The following THADA variants were observed in gnomAD, a reference collection of about 807,000 sequenced individuals.
THADA encodes THADA armadillo repeat containing.
Under a neutral mutation model 219.8 loss-of-function variants are expected in THADA, and 213 were observed. The observed-to-expected ratio is 0.97, with a 90% confidence interval of 0.87 to 1.09. The LOEUF (loss-of-function observed/expected upper bound fraction) is 1.09, where lower values mean the gene tolerates loss of function less well. Among genes scored for constraint, THADA ranks in the 50% least tolerant of loss-of-function variants. The pLI, the probability that THADA is intolerant of heterozygous loss-of-function variation, is 0.00. For missense variants in THADA, 2,956 were observed against 2,311.3 expected, an observed-to-expected ratio of 1.28 and a Z score of -5.72; for synonymous variants, 1,018 against 828.9, an observed-to-expected ratio of 1.23 and a Z score of -3.92.
intron 12 of THADA, among the ~76,000 whole-genome samples, chr2:43,572,182 A>G (rs1156902226): frequency 6.6e-6 from 1 of 152,126 alleles, no homozygotes; most frequent in Non-Finnish European, 1.5e-5. Context: ...AATTACTGCC[A>G]GACACTTCTA....
chr2:43,517,436 C>G (rs1284611379), intron 22 of THADA, among the ~76,000 whole-genome samples: 2 of 152,114 alleles, frequency 1.3e-5, no homozygotes, highest in Admixed American at 6.6e-5. Flanking sequence ...TAAGGGTAAG[C>G]CTCTGCCAAT....
In THADA at chr2:43,433,291, A is replaced by G. The variant is rs370700140; in HGVS notation, c.3837-2989T>C. Among the ~76,000 whole-genome samples the G allele has an allele frequency of 5.3e-5, 8 of 152,070 alleles. No individual in the cohort carries two copies. In the East Asian group the frequency reaches 5.8e-4, roughly 11 times the overall value. ...ACACCTGTAATCCCAACATTTTGGG[A>G]GGCCGAGCCGGGTGGATCACCTGAG... On this transcript the variant is annotated intron_variant, in intron 26 of 37. Coordinates refer to ENST00000405975, the MANE Select transcript of THADA (RefSeq NM_022065.5).
At chr2:43,396,802 C>A (rs1464534437) in intron 29 of THADA, among the ~76,000 whole-genome samples, 2 of 151,464 alleles carry the variant, frequency 1.3e-5, no homozygotes, top group Admixed American at 6.6e-5. Context: ...CAGTGTAAGA[C>A]CCTGTCTCAA....
intron 7 of THADA, among the ~76,000 whole-genome samples, chr2:43,583,234 G>C (rs954507099): frequency 6.6e-6 from 1 of 152,154 alleles, no homozygotes; most frequent in South Asian, 2.1e-4. Context: ...TGTACCTGCT[G>C]CATCTTTATC....
chr2:43,271,152 C>T (rs926896637), intron 36 of THADA, among the ~76,000 whole-genome samples: 2 of 152,172 alleles, frequency 1.3e-5, no homozygotes, highest in African/African-American at 2.4e-5. Flanking sequence ...TTCCCAGGGC[C>T]GGCCCTGTGC....
intron 26 of THADA, among the ~76,000 whole-genome samples, chr2:43,455,737 C>T (rs555824130): frequency 6.6e-6 from 1 of 152,324 alleles, no homozygotes; most frequent in South Asian, 2.1e-4. Context: ...CATCCAAACA[C>T]GCTTTCCACT....
intron 16 of THADA, 136 bp from the exon 17 acceptor site, chr2:43,556,691 G>T: frequency 1.4e-6 from 1 of 736,418 alleles, no homozygotes; most frequent in Non-Finnish European, 2.2e-6. Flanking sequence ...TCAAGAGGCT[G>T]ATGGAGGAGG....
chr2:43,320,582 C>T, intron 30 of THADA, 42 bp from the exon 31 acceptor site: 1 of 1,497,708 alleles, frequency 6.7e-7, no homozygotes, highest in African/African-American at 1.4e-5. Context: ...GATTTTCTCT[C>T]CCTTAGGTCT....
chr2:43,471,910 G>C (rs1023852855), intron 26 of THADA, among the ~76,000 whole-genome samples: 1 of 152,150 alleles, frequency 6.6e-6, no homozygotes, highest in East Asian at 1.9e-4. Flanking sequence ...CTGGCATACA[G>C]TTGATCCTTA....
intron 28 of THADA, among the ~76,000 whole-genome samples, chr2:43,425,519 T>C (rs1417743089): frequency 6.6e-6 from 1 of 151,496 alleles, no homozygotes; most frequent in East Asian, 1.9e-4. Flanking sequence ...CCAAGTTTAA[T>C]TTTGCTACTC....
Position 43,384,507 on chromosome 2 carries a change from C to CT in THADA, c.4227+13463dup, listed in dbSNP as rs543741173. ...CATCAACTCAAATTTCTAGCATGTT[C>CT]TTCCTAAATGTACATACTGAACACA... is the stretch of plus-strand genomic sequence containing the variant. On this transcript the variant is annotated intron_variant, in intron 29 of 37. Transcript: ENST00000405975. Among the ~76,000 whole-genome samples the CT allele has an allele frequency of 7.2e-3, 1,101 of 152,310 alleles. 1 individual carries two copies. The highest frequency in any genetic ancestry group is 0.011 in the Non-Finnish European group (717 of 68,012).
intron 29 of THADA, among the ~76,000 whole-genome samples, chr2:43,359,530 A>C (rs1367902461): frequency 1.3e-5 from 2 of 152,188 alleles, no homozygotes; most frequent in African/African-American, 4.8e-5. Flanking sequence ...AAATACAAAA[A>C]TTAGCCAGGC....
chr2:43,437,947 A>C (rs1333587867), intron 26 of THADA, among the ~76,000 whole-genome samples: 2 of 152,184 alleles, frequency 1.3e-5, no homozygotes, highest in African/African-American at 4.8e-5. Flanking sequence ...ACACCTATCA[A>C]AATGAAATTC....
At chr2:43,261,659 G>A (rs1374042806) in intron 36 of THADA, among the ~76,000 whole-genome samples, 1 of 138,952 alleles carries the variant, frequency 7.2e-6, no homozygotes, top group South Asian at 2.3e-4. Flanking sequence ...TTTTTGAGAT[G>A]GAGTTTTGCT....
intron 22 of THADA, among the ~76,000 whole-genome samples, chr2:43,525,276 TG>T (rs1354589497): frequency 6.6e-6 from 1 of 152,188 alleles, no homozygotes; most frequent in African/African-American, 2.4e-5. Context: ...ATGTGGCAGA[TG>T]GCGTTTTTCA....
rs753284105 is a variant in THADA, at chr2:43,428,212, G to C, written c.3946C>G (p.Arg1316Gly). 3.7e-6 allele frequency: 6 copies of C among 1,600,974 alleles called. No homozygotes were observed. In the Admixed American group the frequency reaches 5.1e-5, roughly 14 times the overall value. The change falls in exon 28 of 38, where the codon CGT becomes GGT. Residue 1316 changes from arginine (R) to glycine (G), a missense_variant. Arg to Gly is a moderately radical substitution (Grantham distance 125, BLOSUM62 -2). Transcript: ENST00000405975. ...AGTAAGAGAAACATGCTTGGATGAC[G>C]ATTTGGTTCTCCCATATCACTGAAA... ...TVDSDMGEPNRHPSMFLLLLV... is the reference protein window; with the variant it reads ...TVDSDMGEPNGHPSMFLLLLV...
intron 36 of THADA, among the ~76,000 whole-genome samples, chr2:43,253,546 G>A (rs1670024090): frequency 6.6e-6 from 1 of 152,060 alleles, no homozygotes; most frequent in African/African-American, 2.4e-5. Context: ...CTGCCCTCTT[G>A]ATAGTTTTTC....
At chr2:43,342,170 A>G (rs1197622020) in intron 30 of THADA, among the ~76,000 whole-genome samples, 1 of 152,152 alleles carries the variant, frequency 6.6e-6, no homozygotes, top group Non-Finnish European at 1.5e-5. Flanking sequence ...GAGCCGTGGT[A>G]GCGCCACTGC....
At chr2:43,473,537 T>C (rs1473295217) in intron 26 of THADA, among the ~76,000 whole-genome samples, 1 of 152,142 alleles carries the variant, frequency 6.6e-6, no homozygotes. Context: ...ATAAAAGATA[T>C]ATTATAGTAA....
Sources: gnomAD v4.1 joint callset for allele counts (sites outside exome capture counted in the v4.1 genomes callset) on GRCh38, gnomAD v4.1.1 for gene constraint, MANE v1.5 for transcripts, NCBI Gene and HGNC (gene_info 2026-07-23, HGNC 2026-07-21) for gene names.